The following TYW5 variants were observed in gnomAD, a reference collection of about 807,000 sequenced individuals.
The protein encoded by TYW5 is tRNA wybutosine-synthesizing protein 5.
Under a neutral mutation model 44.4 loss-of-function variants are expected in TYW5, and 36 were observed. That is an observed-to-expected ratio of 0.81 (90% CI 0.62 to 1.07). The LOEUF (loss-of-function observed/expected upper bound fraction) is 1.07. TYW5 is among the 50% of genes least tolerant of loss of function. TYW5 has a pLI of 0.00. For missense variants in TYW5, 354 were observed against 365.7 expected, an observed-to-expected ratio of 0.97 and a Z score of 0.26; for synonymous variants, 121 against 128.1, an observed-to-expected ratio of 0.94 and a Z score of 0.37.
chr2:199,935,498 C>G (rs774592685), intron 7 of TYW5, among the ~76,000 whole-genome samples: 1 of 151,652 alleles, frequency 6.6e-6, no homozygotes, highest in Admixed American at 6.6e-5. Context: ...TGCACACCAC[C>G]ATGCCTGACT....
intron 1 of TYW5, among the ~76,000 whole-genome samples, chr2:199,952,695 A>G (rs567702364): frequency 6.6e-6 from 1 of 152,324 alleles, no homozygotes; most frequent in African/African-American, 2.4e-5. Flanking sequence ...TTACACCTGA[A>G]TTTTGAGTCA....
chr2:199,949,135 A>G (rs1248402920), intron 1 of TYW5, among the ~76,000 whole-genome samples: 4 of 152,068 alleles, frequency 2.6e-5, no homozygotes, highest in African/African-American at 9.7e-5. Context: ...AGGGTGGATC[A>G]CTTGAGGTCA....
chr2:199,953,904 C>T (rs1410214079), intron 1 of TYW5, among the ~76,000 whole-genome samples: 1 of 152,156 alleles, frequency 6.6e-6, no homozygotes, highest in Non-Finnish European at 1.5e-5. Context: ...TCTTACAAAG[C>T]ACTTCCACAT....
At chr2:199,939,385 G>A (rs1034183689) in intron 4 of TYW5, among the ~76,000 whole-genome samples, 7 of 152,194 alleles carry the variant, frequency 4.6e-5, no homozygotes, top group East Asian at 1.9e-4. Flanking sequence ...TTACAGGCAT[G>A]GGGCCACCTT....
At position 199,943,766 on chromosome 2, in the gene TYW5, T is replaced by C; in HGVS notation, c.302A>G (p.Glu101Gly). 6.2e-7 allele frequency: 1 copy of C among 1,608,198 alleles called. No individual in the cohort carries two copies. Among genetic ancestry groups the C allele is most frequent in the East Asian group, 2.2e-5 (1 of 44,764 alleles). Residue 101 changes from glutamate (E) to glycine (G), a missense_variant and splice_region_variant, in exon 3 of 8, where the codon GAG (glutamate) becomes GGG (glycine). By Grantham distance (98) the Glu-to-Gly change is moderately conservative (BLOSUM62 -2). Transcript: ENST00000354611. ...EEKHKEFFVSEDEKYYLRSLG... is the reference protein window; with the variant it reads ...EEKHKEFFVSGDEKYYLRSLG... The stretch of plus-strand genomic sequence containing the variant: ...TTTAAAAATGTTAAAAGCAATTACC[T>C]CTGAAACAAAGAATTCTTTATGTTT...
At position 199,933,154 on chromosome 2, in the gene TYW5, G is replaced by A. The variant is rs367846656; in HGVS notation, c.861C>T (p.Ala287=). 1.0e-4 allele frequency: 167 copies of A among 1,613,894 alleles called. No homozygotes were observed. The highest frequency in any genetic ancestry group is 1.3e-4 in the Non-Finnish European group (156 of 1,180,008). ...QILDRALKTL[A]ELPEEYRDFY... ...AGTCCCTATATTCCTCTGGTAACTC[G>A]GCCAGTGTTTTCAAGGCTCTGTCCA... Residue 287 remains alanine (A), a synonymous_variant, in exon 8 of 8, where the codon GCC becomes GCT. Transcript: ENST00000354611.
Position 199,929,006 on chromosome 2 carries a change from G to A in TYW5, c.*4061C>T, listed in dbSNP as rs1024788980. ...GCTATTTTGTTTTATTTCACTTGAA[G>A]TTCTTAAGAGAAAAACATAAGAGGA... is the stretch of plus-strand genomic sequence containing the variant. On this transcript the variant is annotated 3_prime_UTR_variant, in exon 8 of 8. Transcript: ENST00000354611. Among the ~76,000 whole-genome samples, 2 of 152,190 alleles carry A rather than the reference G, an allele frequency of 1.3e-5. No homozygotes were observed. The highest frequency in any genetic ancestry group is 4.8e-5 in the African/African-American group (2 of 41,458).
chr2:199,935,820 G>GGATACATATA (rs1559300876), intron 7 of TYW5, 111 bp downstream of exon 7: 6 of 690,288 alleles, frequency 8.7e-6, no homozygotes, highest in Non-Finnish European at 1.5e-5. Context: ...GTATAGGACC[G>GGATACATATA]GATACATATA....
intron 1 of TYW5, 185 bp downstream of exon 1, chr2:199,955,208 T>G: frequency 1.7e-6 from 1 of 586,616 alleles, no homozygotes; most frequent in Non-Finnish European, 2.9e-6. Context: ...GAAATTTCAA[T>G]AGAGGAGCCA....
At chr2:199,949,261 G>C (rs1483659920) in intron 1 of TYW5, among the ~76,000 whole-genome samples, 1 of 152,066 alleles carries the variant, frequency 6.6e-6, no homozygotes, top group Non-Finnish European at 1.5e-5. Flanking sequence ...CCAGCTACTC[G>C]GGAGGCTGAG....
At chr2:199,954,453 C>T (rs1255856037) in intron 1 of TYW5, among the ~76,000 whole-genome samples, 25 of 152,006 alleles carry the variant, frequency 1.6e-4, no homozygotes, top group Non-Finnish European at 1.5e-5. Flanking sequence ...TTGTTTGAGA[C>T]CGAGTTTAGC....
rs776599948 is a variant in TYW5 at position 199,955,391 on chromosome 2, A to C, written c.78+2T>G. On this transcript the variant is annotated splice_donor_variant, in intron 1 of 7. Transcript: ENST00000354611. LOFTEE classifies it high-confidence loss of function. ...AGGTTCTGCCCCGCGCGAGGGCCTC[A>C]CCTGTGGGTAGAGGTGCTGCATGAA... is the stretch of plus-strand genomic sequence containing the variant. The C allele has an allele frequency of 6.2e-7, 1 of 1,613,388 alleles. No individual in the cohort carries two copies. The highest frequency in any genetic ancestry group is 2.2e-5 in the East Asian group (1 of 44,870).
At chr2:199,947,505 A>C (rs897104944) in intron 2 of TYW5, 8 of 152,240 alleles carry the variant, frequency 5.3e-5, no homozygotes, top group African/African-American at 1.9e-4. Context: ...AAAGGTATTT[A>C]AGACTATTTT....
chr2:199,933,867 T>C (rs1182184518), intron 7 of TYW5, among the ~76,000 whole-genome samples: 1 of 152,180 alleles, frequency 6.6e-6, no homozygotes, highest in Admixed American at 6.5e-5. Flanking sequence ...AATCATCTTA[T>C]ATTTCTTTCA....
chr2:199,947,172 A>G (rs1238737706), intron 2 of TYW5: 1 of 152,230 alleles, frequency 6.6e-6, no homozygotes, highest in Admixed American at 6.5e-5. Flanking sequence ...GGCAGCTGCT[A>G]TATGAACTTG....
At chr2:199,933,615 T>C (rs2077397316) in intron 7 of TYW5, among the ~76,000 whole-genome samples, 1 of 152,232 alleles carries the variant, frequency 6.6e-6, no homozygotes, top group Non-Finnish European at 1.5e-5. Context: ...TGCAGTTCTC[T>C]AATCTAGGGC....
chr2:199,945,443 G>C (rs1295549352), intron 2 of TYW5: 1 of 152,188 alleles, frequency 6.6e-6, no homozygotes, highest in East Asian at 1.9e-4. Context: ...AGAGAAAAGA[G>C]GGGTCTGCCA....
In TYW5 at chr2:199,929,325, TTAAAAG is replaced by T; in HGVS notation, c.*3736_*3741del. On this transcript the variant is annotated 3_prime_UTR_variant, in exon 8 of 8. Coordinates refer to ENST00000354611, the MANE Select transcript of TYW5 (RefSeq NM_001039693.3). ...ACGTTGTGCACATGTACCCTAGAAC[TTAAAAG>T]TATAATAAAAAAATAAATAGAGACT... 6.6e-6 allele frequency among the ~76,000 whole-genome samples: 1 copy of T among 152,166 alleles called. No homozygotes were observed. Among genetic ancestry groups the T allele is most frequent in the East Asian group, 1.9e-4 (1 of 5,184 alleles).
At position 199,933,140 on chromosome 2, in the gene TYW5, T is replaced by C. The variant is rs1276478883; in HGVS notation, c.875A>G (p.Glu292Gly). The part of the protein sequence containing the change: ...ALKTLAELPE[E>G]YRDFYARRMV... ...TCGTCGTGCATAGAAGTCCCTATAT[T>C]CCTCTGGTAACTCGGCCAGTGTTTT... is the stretch of plus-strand genomic sequence containing the variant. Residue 292 changes from glutamate (E) to glycine (G), a missense_variant, in exon 8 of 8, where the codon GAA (glutamate) becomes GGA (glycine). Coordinates refer to ENST00000354611, the MANE Select transcript of TYW5 (RefSeq NM_001039693.3). The C allele has an allele frequency of 6.2e-7, 1 of 1,614,168 alleles. No individual in the cohort carries two copies.
Sources: allele counts gnomAD v4.1 joint callset (sites outside exome capture counted in the v4.1 genomes callset), GRCh38; gene constraint gnomAD v4.1.1; transcripts MANE v1.5; gene names NCBI Gene and HGNC (gene_info 2026-07-23, HGNC 2026-07-21).